Variants in SERPINB1 observed in about 807,000 individuals in gnomAD.
The protein encoded by SERPINB1 is serpin family B member 1, also known as leukocyte elastase inhibitor.
Under a neutral mutation model 25.9 loss-of-function variants are expected in SERPINB1, and 23 were observed. That is an observed-to-expected ratio of 0.89 (90% CI 0.64 to 1.26). The LOEUF is 1.26. Ranked by LOEUF, SERPINB1 falls within the 50% of genes most tolerant of loss-of-function variation. The pLI is 0.00. For synonymous variants in SERPINB1, 178 were observed against 178.7 expected (o/e 1.00, Z 0.03); for missense variants, 399 against 463.6 (o/e 0.86, Z 1.28).
intron 6 of SERPINB1, among the ~76,000 whole-genome samples, chr6:2,835,254 T>C (rs1458540773): frequency 2.6e-5 from 4 of 152,058 alleles, no homozygotes; most frequent in Non-Finnish European, 5.9e-5. Context: ...ATGAGGCTTT[T>C]TCTGTCTTGT....
chr6:2,834,306 T>TCCATCCAC (rs1219315677), intron 6 of SERPINB1, among the ~76,000 whole-genome samples: 32 of 112,150 alleles, frequency 2.9e-4, no homozygotes, highest in South Asian at 6.3e-4. Flanking sequence ...CATCCATCCA[T>TCCATCCAC]CCATCCATCC....
chr6:2,836,411 CTACTT>C (rs745467772), intron 4 of SERPINB1, among the ~76,000 whole-genome samples, 161 bp from the exon 5 acceptor site: 4 of 152,166 alleles, frequency 2.6e-5, no homozygotes, highest in Non-Finnish European at 5.9e-5. Context: ...TAACATGTCT[CTACTT>C]TAAGTATAAC....
rs1043142712 is a variant in SERPINB1 at position 2,835,856 on chromosome 6, C to T, written c.735G>A (p.Lys245=). Residue 245 remains lysine (K), a splice_region_variant and synonymous_variant, in exon 6 of 7, where the codon AAG becomes AAA. Coordinates refer to ENST00000380739, the MANE Select transcript of SERPINB1 (RefSeq NM_030666.4). Reference sequence around the variant, plus strand: ...AAAGCATGAAGCCCAGGAGCCATACCTTCTTCAGGCCCGTGGACTCGTCCT... The same window carrying T: ...AAAGCATGAAGCCCAGGAGCCATACTTTCTTCAGGCCCGTGGACTCGTCCT... ...DIEDESTGLK[K]IEEQLTLEKL... The T allele has an allele frequency of 1.2e-6, 2 of 1,611,036 alleles. No individual in the cohort carries two copies. Among genetic ancestry groups the T allele is most frequent in the South Asian group, 1.1e-5 (1 of 90,720 alleles).
chr6:2,835,512 C>G (rs927928205), intron 6 of SERPINB1, among the ~76,000 whole-genome samples: 6 of 152,066 alleles, frequency 3.9e-5, no homozygotes, highest in African/African-American at 1.4e-4. Context: ...TCACAAGTGT[C>G]CACTGAAAGT....
In SERPINB1 at chr6:2,836,226, G is replaced by C; in HGVS notation, c.449C>G (p.Ser150Trp). The C allele has an allele frequency of 6.3e-7, 1 of 1,597,852 alleles. No individual in the cohort carries two copies. Among genetic ancestry groups the C allele is most frequent in the Non-Finnish European group, 8.5e-7 (1 of 1,175,402 alleles). Reference sequence around the variant, plus strand: ...TTTGGTCATGTTATCAACCATGCCCGAAGCCAACAGTTCCGGAATTTTTCC... The same window carrying C: ...TTTGGTCATGTTATCAACCATGCCCCAAGCCAACAGTTCCGGAATTTTTCC... ...TEGKIPELLA[S>W]GMVDNMTKLV... Residue 150 changes from serine to tryptophan, a missense_variant, in exon 5 of 7, where the codon TCG becomes TGG. By Grantham distance (177) the Ser-to-Trp change is radical (BLOSUM62 -3). Transcript: ENST00000380739.
At chr6:2,838,443 T>C (rs1177409953) in intron 3 of SERPINB1, 106 bp downstream of exon 3, 12 of 1,113,588 alleles carry the variant, frequency 1.1e-5, no homozygotes, top group Non-Finnish European at 1.4e-5. Context: ...TGTATTGTTT[T>C]TCTGAAAGTT....
At chr6:2,834,402 C>T (rs1421073183) in intron 6 of SERPINB1, among the ~76,000 whole-genome samples, 1 of 151,672 alleles carries the variant, frequency 6.6e-6, no homozygotes, top group African/African-American at 2.4e-5. Flanking sequence ...TACCCACCCA[C>T]CCATCCAACC....
intron 3 of SERPINB1, 32 bp downstream of exon 3, chr6:2,838,517 G>C (rs757798050): frequency 3.9e-6 from 6 of 1,549,580 alleles, no homozygotes; most frequent in African/African-American, 1.4e-5. Context: ...CTGTCTAGTG[G>C]GGTTTTAGAA....
chr6:2,838,651 T>C lies in SERPINB1; in HGVS notation c.204A>G (p.Ser68=), dbSNP rs1384952813. ...FHFNTVEEVH[S]RFQSLNADIN... is the part of the protein sequence containing the mutation. The stretch of plus-strand genomic sequence containing the variant: ...TATCAGCATTCAGACTCTGGAATCT[T>C]GAATGAACCTCTTCAACCGTGTTGA... Residue 68 remains serine (S), a synonymous_variant, in exon 3 of 7, where the codon TCA becomes TCG. Transcript: ENST00000380739. 3 of 1,604,398 alleles carry C rather than the reference T, an allele frequency of 1.9e-6. No individual in the cohort carries two copies. The highest frequency in any genetic ancestry group is 2.2e-5 in the East Asian group (1 of 44,476).
chr6:2,833,380 C>T lies in SERPINB1; in HGVS notation c.*228G>A. On this transcript the variant is annotated 3_prime_UTR_variant, in exon 7 of 7. Transcript: ENST00000380739. Reference sequence around the variant, plus strand: ...TTCTTTTCTTCTTCTTTACTTGATGCATTCAAAAGCAACCACTGGATTTTT... The same window carrying T: ...TTCTTTTCTTCTTCTTTACTTGATGTATTCAAAAGCAACCACTGGATTTTT... 1 of 443,146 alleles carries T rather than the reference C, an allele frequency of 2.3e-6. No individual in the cohort carries two copies. The highest frequency in any genetic ancestry group is 4.0e-6 in the Non-Finnish European group (1 of 251,464). The allele number at this position is 443,146 out of a possible 1,614,324, so 27.5% of individuals were successfully genotyped here.
Position 2,832,842 on chromosome 6 carries a change from A to T in SERPINB1, c.*766T>A, listed in dbSNP as rs1033144290. The T allele has an allele frequency of 6.5e-6, 1 of 152,786 alleles. No individual in the cohort carries two copies. Among genetic ancestry groups the T allele is most frequent in the Non-Finnish European group, 1.5e-5 (1 of 68,710 alleles). The allele number at this position is 152,786 out of a possible 1,614,324, so 9.5% of individuals were successfully genotyped here. ...AAAAGAAAGAAAGAAAGAAAAAGAAAAAGAGAAAAGAAAACACATGAGAAG... is the reference window on the plus strand; with the variant it reads ...AAAAGAAAGAAAGAAAGAAAAAGAATAAGAGAAAAGAAAACACATGAGAAG... On this transcript the variant is annotated 3_prime_UTR_variant, in exon 7 of 7. Coordinates refer to ENST00000380739, the MANE Select transcript of SERPINB1 (RefSeq NM_030666.4).
chr6:2,832,953 A>G lies in SERPINB1; in HGVS notation c.*655T>C, dbSNP rs1250740745. 6.6e-6 allele frequency: 1 copy of G among 152,220 alleles called. No individual in the cohort carries two copies. The highest frequency in any genetic ancestry group is 2.4e-5 in the African/African-American group (1 of 41,454). 9.4% of individuals were successfully genotyped at this position (152,220 alleles called of 1,614,324 possible). A position where few individuals can be genotyped will look rare whatever the true frequency, so the allele number is the denominator to read the frequency against. On this transcript the variant is annotated 3_prime_UTR_variant, in exon 7 of 7. Transcript: ENST00000380739. ...CTCTTGGTATCTTTTATCCTAAGAC[A>G]CCCACTTCTTGATTTCATGCAGCGC...
At chr6:2,839,607 C>T in intron 2 of SERPINB1, 1 of 496,482 alleles carries the variant, frequency 2.0e-6, no homozygotes, top group African/African-American at 2.1e-5. Flanking sequence ...CAGGCTGCAC[C>T]TTGCCAAGGA....
Position 2,838,560 on chromosome 6 carries a change from T to G in SERPINB1, c.295A>C (p.Asn99His). Residue 99 changes from asparagine to histidine, a missense_variant, in exon 3 of 7, where the codon AAT (asparagine) becomes CAT (histidine). Physicochemically the swap from Asn to His is moderately conservative, Grantham distance 68. Coordinates refer to ENST00000380739, the MANE Select transcript of SERPINB1 (RefSeq NM_030666.4). ...ANRLYGEKTY[N>H]FLPEFLVSTQ... ...GGCAAAGTACTTACAGGAAGGAAAT[T>G]GTAAGTTTTCTCTCCATATAATCTA... 1 of 1,597,032 alleles carries G rather than the reference T, an allele frequency of 6.3e-7. No homozygotes were observed. The highest frequency in any genetic ancestry group is 8.5e-7 in the Non-Finnish European group (1 of 1,172,730).
intron 3 of SERPINB1, 35 bp downstream of exon 3, chr6:2,838,514 G>T (rs200008370): frequency 7.8e-6 from 12 of 1,548,366 alleles, no homozygotes; most frequent in African/African-American, 1.4e-5. Context: ...GCACTGTCTA[G>T]TGGGGTTTTA....
intron 3 of SERPINB1, 31 bp downstream of exon 3, chr6:2,838,518 G>A (rs1422097391): frequency 1.9e-6 from 3 of 1,553,200 alleles, no homozygotes; most frequent in Non-Finnish European, 2.6e-6. Context: ...TGTCTAGTGG[G>A]GTTTTAGAAT....
rs1766517683 is a variant in SERPINB1 at position 2,837,270 on chromosome 6, TTTTTTATTA to T, written c.424+603_424+611del. On this transcript the variant is annotated intron_variant, in intron 4 of 6. Coordinates refer to ENST00000380739, the MANE Select transcript of SERPINB1 (RefSeq NM_030666.4). This position sits in a 1 kb window ranked among gnomAD's most constrained non-coding sequence, Gnocchi z 4.3. The stretch of plus-strand genomic sequence containing the variant: ...GTGTTGGTTTTAACTTTATTTTTTA[TTTTTTATTA>T]TTTTTATTATTTTTTTTACGACGGA... Among the ~76,000 whole-genome samples the T allele has an allele frequency of 6.6e-6, 1 of 151,532 alleles. No individual in the cohort carries two copies. The highest frequency in any genetic ancestry group is 2.4e-5 in the African/African-American group (1 of 40,888).
intron 4 of SERPINB1, 28 bp from the exon 5 acceptor site, chr6:2,836,278 A>G (rs374425314): frequency 1.3e-6 from 2 of 1,575,146 alleles, no homozygotes; most frequent in African/African-American, 1.4e-5. Flanking sequence ...TAGCGTAAAA[A>G]AAATCCAAAT....
chr6:2,833,853 T>A lies in SERPINB1; in HGVS notation c.895A>T (p.Ser299Cys). The A allele has an allele frequency of 6.2e-7, 1 of 1,614,212 alleles. No individual in the cohort carries two copies. Among genetic ancestry groups the A allele is most frequent in the Non-Finnish European group, 8.5e-7 (1 of 1,180,026 alleles). ...ARLGVQDLFN[S>C]SKADLSGMSG... ...ATGCCAGACAGATCAGCCTTGCTAC[T>A]GTTAAAGAGATCCTGCACACCTAGG... The change falls in exon 7 of 7, where the codon AGT becomes TGT. Residue 299 changes from serine (S) to cysteine (C), a missense_variant. Transcript: ENST00000380739.
Sources: gnomAD v4.1 joint callset for allele counts (sites outside exome capture counted in the v4.1 genomes callset) on GRCh38, gnomAD v4.1.1 for gene constraint, Gnocchi (gnomAD v3.1) non-coding constraint, MANE v1.5 for transcripts, NCBI Gene and HGNC (gene_info 2026-07-23, HGNC 2026-07-21) for gene names.